Variants in ZNF723 observed in about 807,000 individuals in gnomAD.
ZNF723 encodes the protein zinc finger protein 723.
ZNF723 carries 5 observed loss-of-function variants against 9.4 expected under a neutral mutation model. The ratio of observed to expected loss-of-function variants is 0.53; its 90% confidence interval spans 0.28 to 1.12. The LOEUF is 1.12. ZNF723 is among the 50% of genes most tolerant of loss of function. The pLI is 0.10. For synonymous variants in ZNF723, 158 were observed against 168.8 expected, an observed-to-expected ratio of 0.94 and a Z score of 0.49; for missense variants, 450 against 501.5, an observed-to-expected ratio of 0.90 and a Z score of 0.98.
the ZNF723 span, among the ~76,000 whole-genome samples, chr19:22,818,855 G>A: frequency 1.3e-5 from 2 of 152,136 alleles, no homozygotes; most frequent in African/African-American, 2.4e-5. Context: ...CCTGTGCCCT[G>A]CCCAGATATG....
the ZNF723 span, among the ~76,000 whole-genome samples, chr19:22,819,341 C>T: frequency 1.3e-5 from 2 of 152,234 alleles, no homozygotes; most frequent in African/African-American, 4.8e-5. Context: ...CATGACTGTC[C>T]TCTTCTGCCT....
At chr19:22,815,692 T>C in the ZNF723 span, among the ~76,000 whole-genome samples, 2 of 152,152 alleles carry the variant, frequency 1.3e-5, no homozygotes, top group African/African-American at 4.8e-5. Flanking sequence ...AGACACTACC[T>C]CCGATAGCTA....
chr19:22,853,526 C>A (rs1444494912), intron 3 of ZNF723, among the ~76,000 whole-genome samples: 1 of 151,304 alleles, frequency 6.6e-6, no homozygotes, highest in Non-Finnish European at 1.5e-5. Flanking sequence ...TGTTTTATAC[C>A]CTCATTCCAT....
the ZNF723 span, among the ~76,000 whole-genome samples, chr19:22,823,109 C>T: frequency 6.6e-6 from 1 of 152,178 alleles, no homozygotes; most frequent in African/African-American, 2.4e-5. Flanking sequence ...GATGTTAGCT[C>T]TCATTCCTGG....
At chr19:22,812,558 G>A in the ZNF723 span, among the ~76,000 whole-genome samples, 1 of 152,138 alleles carries the variant, frequency 6.6e-6, no homozygotes, top group African/African-American at 2.4e-5. Flanking sequence ...CCATCATGAA[G>A]GTCATAGAGC....
intron 3 of ZNF723, among the ~76,000 whole-genome samples, chr19:22,851,345 T>G (rs539302684): frequency 1.3e-5 from 2 of 152,152 alleles, no homozygotes; most frequent in South Asian, 4.1e-4. Context: ...CTAATTTTTC[T>G]ATTTTTAGTA....
At chr19:22,840,224 T>C (rs1967223837) in intron 1 of ZNF723, among the ~76,000 whole-genome samples, 1 of 151,976 alleles carries the variant, frequency 6.6e-6, no homozygotes. Context: ...CAGGCTGGAG[T>C]GCAATGGCAT....
chr19:22,823,759 T>C, the ZNF723 span, among the ~76,000 whole-genome samples: 1 of 152,346 alleles, frequency 6.6e-6, no homozygotes, highest in Admixed American at 6.5e-5. Flanking sequence ...CCTGAACCTG[T>C]CACTTAGAAG....
chr19:22,851,873 G>A (rs1967401429), intron 3 of ZNF723, among the ~76,000 whole-genome samples: 4 of 152,092 alleles, frequency 2.6e-5, no homozygotes, highest in Admixed American at 6.6e-5. Context: ...CGCTACTTCC[G>A]CCTCCTGGGT....
chr19:22,818,896 A>G, the ZNF723 span, among the ~76,000 whole-genome samples: 1 of 152,126 alleles, frequency 6.6e-6, no homozygotes, highest in African/African-American at 2.4e-5. Flanking sequence ...ATCCAACACT[A>G]TGGTCATGTA....
At chr19:22,857,071 T>C (rs1213728164) in intron 3 of ZNF723, 47 bp from the exon 4 acceptor site, 1 of 698,682 alleles carries the variant, frequency 1.4e-6, no homozygotes, top group Non-Finnish European at 2.4e-6. Context: ...AGTATATCCA[T>C]CTGAGTCTAG....
Position 22,857,984 on chromosome 19 carries a change from G to A in ZNF723, c.1093G>A (p.Gly365Arg). Reference sequence around the variant, plus strand: ...TACTACACATAAGAGAATTCACACTGGAGAGAAACCCTACAAATGTGAAGA... The same window carrying A: ...TACTACACATAAGAGAATTCACACTAGAGAGAAACCCTACAAATGTGAAGA... ...HITTHKRIHT[G>R]EKPYKCEECG... The change falls in exon 4 of 4, where the codon GGA becomes AGA. Residue 365 changes from glycine to arginine, a missense_variant. This residue lies in a region of ZNF723 where 237 missense variants were observed against 332.2 expected (regional missense o/e 0.71). Transcript: ENST00000600766. 6.5e-7 allele frequency: 1 copy of A among 1,539,772 alleles called. No individual in the cohort carries two copies. The highest frequency in any genetic ancestry group is 1.1e-5 in the South Asian group (1 of 89,514).
At chr19:22,823,643 G>T in the ZNF723 span, among the ~76,000 whole-genome samples, 2 of 152,182 alleles carry the variant, frequency 1.3e-5, no homozygotes, top group African/African-American at 4.8e-5. Context: ...ATATGTCTTT[G>T]CCCATACCCT....
At chr19:22,831,633 G>A (rs1478660602), upstream of ZNF723, among the ~76,000 whole-genome samples, 1 of 151,628 alleles carries the variant, frequency 6.6e-6, no homozygotes, top group Non-Finnish European at 1.5e-5. Flanking sequence ...AATCTTGGCC[G>A]GGCGCGATGG....
At chr19:22,838,585 G>C (rs35556234) in intron 1 of ZNF723, among the ~76,000 whole-genome samples, 65,537 of 151,474 alleles carry the variant, frequency 0.43, 17,002 homozygotes, top group African/African-American at 0.74. Context: ...ATTTGCTTTT[G>C]TCTTTCAGCA....
chr19:22,845,811 A>G (rs1967300034), intron 1 of ZNF723, among the ~76,000 whole-genome samples: 1 of 151,808 alleles, frequency 6.6e-6, no homozygotes, highest in Non-Finnish European at 1.5e-5. Flanking sequence ...CATATTCTCA[A>G]GATGCAGGTC....
At chr19:22,829,910 G>C (rs1360095584), upstream of ZNF723, among the ~76,000 whole-genome samples, 1 of 152,080 alleles carries the variant, frequency 6.6e-6, no homozygotes, top group African/African-American at 2.4e-5. Flanking sequence ...TGAATTTTCT[G>C]TATGCCACTT....
the ZNF723 span, among the ~76,000 whole-genome samples, chr19:22,819,195 A>C: frequency 6.6e-6 from 1 of 152,204 alleles, no homozygotes; most frequent in South Asian, 2.1e-4. Context: ...GGTGATGCCC[A>C]GTTCTTGCCT....
rs568259384 is a variant in ZNF723, at chr19:22,832,595, C to T, written c.3+213C>T. The stretch of plus-strand genomic sequence containing the variant: ...GTCTTGTCTCTTCCCTGGCAGTGAC[C>T]GTGCCCTGGCCTGGAGCCCTCTCTG... On this transcript the variant is annotated intron_variant, in intron 1 of 3. Transcript: ENST00000600766. Among the ~76,000 whole-genome samples the T allele has an allele frequency of 2.6e-5, 4 of 152,262 alleles. No homozygotes were observed. The South Asian group carries it at 8.3e-4, about 32-fold the overall frequency.
Sources: allele counts gnomAD v4.1 joint callset (sites outside exome capture counted in the v4.1 genomes callset), GRCh38; gene constraint gnomAD v4.1.1; regional missense constraint gnomAD v4.1.1; transcripts MANE v1.5; gene names NCBI Gene and HGNC (gene_info 2026-07-23, HGNC 2026-07-21).